POLR3G: variants seen among roughly 807,000 people sequenced by gnomAD.
The protein encoded by POLR3G is DNA-directed RNA polymerase III subunit RPC7.
POLR3G carries 28 observed loss-of-function variants against 30.1 expected under a neutral mutation model. That is an observed-to-expected ratio of 0.93 (90% CI 0.69 to 1.27). The LOEUF is 1.27. POLR3G is among the 50% of genes most tolerant of loss of function. The probability of loss-of-function intolerance (pLI) is 0.00; values close to 1 mark genes in which losing one functional copy is unlikely to be tolerated. For missense variants in POLR3G, 254 were observed against 264.6 expected (o/e 0.96, Z 0.28); for synonymous variants, 79 against 82.5 (o/e 0.96, Z 0.23).
chr5:90,474,359 A>C, upstream of POLR3G: 1 of 1,422,316 alleles, frequency 7.0e-7, no homozygotes, highest in Non-Finnish European at 9.8e-7. Context: ...CTGTCCACAC[A>C]CAGGGCACTG....
chr5:90,475,402 A>G (rs1750747412), intron 1 of POLR3G, among the ~76,000 whole-genome samples: 1 of 152,120 alleles, frequency 6.6e-6, no homozygotes, highest in African/African-American at 2.4e-5. Flanking sequence ...GGCACTTTAT[A>G]TCGTAGGGAA....
In POLR3G at chr5:90,493,676, A is replaced by ATTTTTTT. The variant is rs70999488; in HGVS notation, c.248-1959_248-1953dup. Among the ~76,000 whole-genome samples the ATTTTTTT allele has an allele frequency of 5.1e-4, 26 of 51,466 alleles. 4 individuals are homozygous for ATTTTTTT. The highest frequency in any genetic ancestry group is 8.7e-4 in the Admixed American group (3 of 3,458). The allele number at this position is 51,466 out of a possible 152,430, so 33.8% of individuals were successfully genotyped here. On this transcript the variant is annotated intron_variant, in intron 3 of 7. Transcript: ENST00000651687. ...GTTGTGCAATCAACACCACTATTTA[A>ATTTTTTT]TTTTTTTTTTTTTTTTTTTTTTTTT...
intron 7 of POLR3G, among the ~76,000 whole-genome samples, chr5:90,511,504 T>C: frequency 6.6e-6 from 1 of 152,136 alleles, no homozygotes; most frequent in East Asian, 1.9e-4. Context: ...CACAGATATT[T>C]TCTGAGTTAT....
intron 2 of POLR3G, 106 bp from the exon 3 acceptor site, chr5:90,487,894 A>T: frequency 1.1e-6 from 1 of 902,864 alleles, no homozygotes; most frequent in Non-Finnish European, 1.5e-6. Context: ...TAGTGCCTGT[A>T]AAACATAGTA....
intron 3 of POLR3G, among the ~76,000 whole-genome samples, chr5:90,491,413 A>G (rs755815606): frequency 1.3e-4 from 20 of 152,202 alleles, no homozygotes; most frequent in Admixed American, 4.6e-4. Flanking sequence ...TCAAAGCTTA[A>G]TGGAAATTAT....
intron 1 of POLR3G, 72 bp downstream of exon 1, chr5:90,475,092 A>G (rs1265261741): frequency 6.6e-6 from 1 of 152,240 alleles, no homozygotes; most frequent in Non-Finnish European, 1.5e-5. Flanking sequence ...GCACGTGGAA[A>G]AGGTGAGGGG....
At chr5:90,501,790 C>G (rs1752255354) in intron 5 of POLR3G, 116 bp from the exon 6 acceptor site, 26 of 1,115,190 alleles carry the variant, frequency 2.3e-5, no homozygotes, top group Non-Finnish European at 2.9e-5. Flanking sequence ...ACTCTGAAAA[C>G]TATGTGACTG....
intron 1 of POLR3G, among the ~76,000 whole-genome samples, chr5:90,475,489 AT>A (rs756300007): frequency 2.6e-4 from 14 of 54,442 alleles, no homozygotes; most frequent in East Asian, 6.7e-4. Context: ...TTTTATTATT[AT>A]TTATTTATTT....
intron 6 of POLR3G, 54 bp from the exon 7 acceptor site, chr5:90,506,474 G>A: frequency 6.4e-7 from 1 of 1,569,276 alleles, no homozygotes; most frequent in South Asian, 1.2e-5. Context: ...GCTAAGCAGG[G>A]AAGTCAGCAG....
intron 2 of POLR3G, among the ~76,000 whole-genome samples, chr5:90,486,545 G>A (rs1240097907): frequency 1.3e-5 from 2 of 152,082 alleles, no homozygotes; most frequent in Non-Finnish European, 2.9e-5. Flanking sequence ...CCCCAGCTAC[G>A]CAGGTCTCCT....
rs530170513 is a variant in POLR3G at position 90,488,410 on chromosome 5, A to G, written c.247+281A>G. Among the ~76,000 whole-genome samples the G allele has an allele frequency of 2.0e-5, 3 of 152,288 alleles. No individual in the cohort carries two copies. The East Asian group carries it at 5.8e-4, about 29-fold the overall frequency. On this transcript the variant is annotated intron_variant, in intron 3 of 7. Coordinates refer to ENST00000651687, the MANE Select transcript of POLR3G (RefSeq NM_006467.3). ...AAAAATTACCCATTCTTATGTCTAG[A>G]GAACCACTATTAATATTTTAGTATA...
chr5:90,479,603 AT>A (rs879581200), intron 1 of POLR3G, among the ~76,000 whole-genome samples: 312 of 148,788 alleles, frequency 2.1e-3, no homozygotes, highest in Admixed American at 6.1e-3. Context: ...ATCACCTGAA[AT>A]TTTTTTTTTT....
chr5:90,496,386 C>T (rs959710034), intron 4 of POLR3G, among the ~76,000 whole-genome samples: 2 of 152,188 alleles, frequency 1.3e-5, no homozygotes, highest in Admixed American at 1.3e-4. Context: ...ATACTATGCT[C>T]CTGAGCAATT....
At chr5:90,475,486 A>ATTATTAG (rs1554037793) in intron 1 of POLR3G, among the ~76,000 whole-genome samples, 1 of 144,324 alleles carries the variant, frequency 6.9e-6, no homozygotes, top group Non-Finnish European at 1.5e-5. Context: ...TAATTTTATT[A>ATTATTAG]TTATTTATTT....
chr5:90,498,312 G>A (rs1752086532), intron 5 of POLR3G, among the ~76,000 whole-genome samples: 1 of 151,258 alleles, frequency 6.6e-6, no homozygotes, highest in East Asian at 1.9e-4. Context: ...TTAAATTTCT[G>A]TGTTTATTTT....
chr5:90,495,072 A>C (rs1286248874), intron 3 of POLR3G, among the ~76,000 whole-genome samples: 2 of 151,998 alleles, frequency 1.3e-5, no homozygotes, highest in Non-Finnish European at 2.9e-5. Context: ...ACCTAGAAAA[A>C]CCTGATCTCT....
chr5:90,502,941 G>A (rs367631320), intron 6 of POLR3G, among the ~76,000 whole-genome samples: 1 of 151,984 alleles, frequency 6.6e-6, no homozygotes, highest in South Asian at 2.1e-4. Context: ...TTCATGTTAA[G>A]TATGTCATTT....
At chr5:90,492,211 A>C (rs1440237986) in intron 3 of POLR3G, among the ~76,000 whole-genome samples, 1 of 152,174 alleles carries the variant, frequency 6.6e-6, no homozygotes, top group African/African-American at 2.4e-5. Flanking sequence ...AATTTTCTCA[A>C]ATTCAAGAAT....
intron 1 of POLR3G, among the ~76,000 whole-genome samples, chr5:90,484,555 A>G (rs1433897088): frequency 6.6e-6 from 1 of 152,206 alleles, no homozygotes; most frequent in Non-Finnish European, 1.5e-5. Context: ...GGTAACATTA[A>G]TGACCAGGCA....
Sources: allele counts gnomAD v4.1 joint callset (sites outside exome capture counted in the v4.1 genomes callset), GRCh38; gene constraint gnomAD v4.1.1; transcripts MANE v1.5; gene names NCBI Gene and HGNC (gene_info 2026-07-23, HGNC 2026-07-21).